WDR7: variants seen among roughly 807,000 people sequenced by gnomAD.
WDR7 encodes the protein WD repeat-containing protein 7.
A neutral mutation model predicts 169.4 loss-of-function variants in WDR7; 46 were observed. The observed-to-expected ratio is 0.27, with a 90% CI of 0.21 to 0.35. The LOEUF (loss-of-function observed/expected upper bound fraction) is 0.35. Ranked by LOEUF, WDR7 falls within the 10% of genes least tolerant of loss-of-function variation. WDR7 has a pLI of 1.00. For missense variants in WDR7, 1,534 were observed against 1,859.3 expected (o/e 0.83, Z 3.22); for synonymous variants, 612 against 666.8 (o/e 0.92, Z 1.27).
intron 20 of WDR7, among the ~76,000 whole-genome samples, chr18:56,828,564 A>C (rs1259984074): frequency 3.3e-5 from 5 of 152,194 alleles, no homozygotes; most frequent in Non-Finnish European, 7.3e-5. Flanking sequence ...ACCTTAAAAT[A>C]TTAAATATTA....
chr18:56,809,741 A>C (rs2044837173), intron 19 of WDR7, among the ~76,000 whole-genome samples: 2 of 152,042 alleles, frequency 1.3e-5, no homozygotes, highest in African/African-American at 4.8e-5. Flanking sequence ...ATAGTCTTCA[A>C]TTCTCTTTTG....
At chr18:56,941,755 G>T (rs781330103) in intron 25 of WDR7, among the ~76,000 whole-genome samples, 2 of 152,154 alleles carry the variant, frequency 1.3e-5, no homozygotes, top group Non-Finnish European at 2.9e-5. Flanking sequence ...TTTCTCCTCA[G>T]GTCCATGTGG....
intron 20 of WDR7, among the ~76,000 whole-genome samples, chr18:56,862,361 TAA>T (rs2045818677): frequency 1.3e-5 from 2 of 151,530 alleles, no homozygotes; most frequent in Non-Finnish European, 3.0e-5. Flanking sequence ...GAATAGTATT[TAA>T]AAGTTTGTGA....
chr18:57,013,308 G>A (rs1163687399), intron 26 of WDR7, among the ~76,000 whole-genome samples: 2 of 152,166 alleles, frequency 1.3e-5, no homozygotes, highest in Non-Finnish European at 2.9e-5. Flanking sequence ...TTCTTAACAG[G>A]CCATGGACCG....
chr18:57,024,223 C>G (rs1192398160), intron 27 of WDR7, among the ~76,000 whole-genome samples: 1 of 152,088 alleles, frequency 6.6e-6, no homozygotes, highest in Non-Finnish European at 1.5e-5. Flanking sequence ...GTGAATGTTA[C>G]CAAATCTCAT....
At chr18:56,922,977 C>G (rs1169692586) in intron 21 of WDR7, among the ~76,000 whole-genome samples, 1 of 152,074 alleles carries the variant, frequency 6.6e-6, no homozygotes, top group African/African-American at 2.4e-5. Flanking sequence ...CAGTGAGTAC[C>G]TTCCTAGGCC....
rs926211581 is a variant in WDR7, at chr18:56,672,560, A to C, written c.45A>C (p.Arg15=). The C allele has an allele frequency of 1.9e-6, 3 of 1,611,464 alleles. No individual in the cohort carries two copies. Among genetic ancestry groups the C allele is most frequent in the South Asian group, 1.1e-5 (1 of 90,618 alleles). ...SLVLPIVLWG[R]KAPTHCISAV... is the part of the protein sequence containing the mutation. ...TTCTACCCATTGTTCTTTGGGGTCG[A>C]AAAGCGCCCACACATTGCATCTCAG... Residue 15 remains arginine (R), a synonymous_variant, in exon 2 of 28, where the codon CGA becomes CGC. Transcript: ENST00000254442.
chr18:57,034,854 G>A, the WDR7 span: 1 of 152,194 alleles, frequency 6.6e-6, no homozygotes, highest in Non-Finnish European at 1.5e-5. Flanking sequence ...TCTAAGGAGA[G>A]CTTCATCTCC....
At chr18:56,998,578 T>A (rs1287688385) in intron 26 of WDR7, among the ~76,000 whole-genome samples, 1 of 152,174 alleles carries the variant, frequency 6.6e-6, no homozygotes, top group Non-Finnish European at 1.5e-5. Context: ...TTATAGCACA[T>A]CCCACATAGA....
intron 26 of WDR7, among the ~76,000 whole-genome samples, chr18:57,011,086 G>T (rs185111806): frequency 8.5e-5 from 13 of 152,228 alleles, no homozygotes; most frequent in Admixed American, 4.6e-4. Context: ...AACTTATTAG[G>T]AATGTCAAAA....
Position 57,029,176 on chromosome 18 carries a change from T to C in WDR7, c.*1969T>C, listed in dbSNP as rs1657396. The C allele has an allele frequency of 0.88, 134,045 of 152,244 alleles. 59,092 individuals are homozygous for C. Among genetic ancestry groups the C allele is most frequent in the East Asian group, 0.99 (5,098 of 5,160 alleles). 9.4% of individuals were successfully genotyped at this position (152,244 alleles called of 1,614,324 possible). A position where few individuals can be genotyped will look rare whatever the true frequency, so the allele number is the denominator to read the frequency against. ...GTGTGTCAGGAAAGAGGTGTGAGAG[T>C]GGTAGGCAGCCTGCCGCAAACACAC... is the stretch of plus-strand genomic sequence containing the variant. On this transcript the variant is annotated 3_prime_UTR_variant, in exon 28 of 28. Transcript: ENST00000254442.
intron 19 of WDR7, among the ~76,000 whole-genome samples, chr18:56,788,460 T>C (rs1869635157): frequency 1.3e-5 from 2 of 152,140 alleles, no homozygotes; most frequent in Admixed American, 1.3e-4. Flanking sequence ...TGTAGGGGTG[T>C]GGATGCCAGG....
intron 21 of WDR7, among the ~76,000 whole-genome samples, chr18:56,912,320 C>A (rs1461607814): frequency 1.3e-5 from 2 of 152,134 alleles, no homozygotes; most frequent in African/African-American, 2.4e-5. Flanking sequence ...CACTCATATC[C>A]ATTTCATCCA....
rs187442826 is a variant in WDR7, at chr18:56,892,873, A to T, written c.3526+12708A>T. On this transcript the variant is annotated intron_variant, in intron 21 of 27. Transcript: ENST00000254442. ...GTTTTAGTTTAGTTTAGATGAGATT[A>T]CATCATCAAGACAGGGTCTGTAATG... Among the ~76,000 whole-genome samples the T allele has an allele frequency of 7.1e-4, 108 of 152,176 alleles. 2 individuals are homozygous for T. In the Middle Eastern group the frequency reaches 0.014, roughly 19 times the overall value.
In WDR7 at chr18:56,781,597, A is replaced by G. The variant is rs2044318771; in HGVS notation, c.3131A>G (p.Lys1044Arg). The G allele has an allele frequency of 3.1e-6, 5 of 1,612,988 alleles. No homozygotes were observed. Among genetic ancestry groups the G allele is most frequent in the Non-Finnish European group, 4.2e-6 (5 of 1,179,498 alleles). Residue 1044 changes from lysine to arginine, a missense_variant, in exon 19 of 28, where the codon AAG becomes AGG. Physicochemically the swap from Lys to Arg is conservative, Grantham distance 26 (BLOSUM62 2). Coordinates refer to ENST00000254442, the MANE Select transcript of WDR7 (RefSeq NM_015285.3). The stretch of plus-strand genomic sequence containing the variant: ...AGAAGAATTGAGCAGGCAGGCAGGA[A>G]GGAAGCCATTGATGCCTGGGCTCCT... Reference protein sequence around the residue: ...ELRRIEQAGRKEAIDAWAPYL... With the variant: ...ELRRIEQAGRREAIDAWAPYL...
At chr18:56,784,818 T>C (rs2044371582) in intron 19 of WDR7, among the ~76,000 whole-genome samples, 1 of 152,214 alleles carries the variant, frequency 6.6e-6, no homozygotes, top group Non-Finnish European at 1.5e-5. Context: ...TTTGTATTTA[T>C]GTAAGTCTTT....
intron 20 of WDR7, among the ~76,000 whole-genome samples, chr18:56,868,921 A>C (rs574105371): frequency 6.6e-6 from 1 of 152,268 alleles, no homozygotes; most frequent in South Asian, 2.1e-4. Context: ...CTAAAATCTC[A>C]ATTTCCTTTC....
intron 1 of WDR7, among the ~76,000 whole-genome samples, chr18:56,662,622 C>G (rs1476449543): frequency 6.6e-6 from 1 of 152,128 alleles, no homozygotes; most frequent in Non-Finnish European, 1.5e-5. Context: ...TTCTTGCCCA[C>G]AACGTTCACT....
chr18:56,765,366 C>T (rs757388837), intron 16 of WDR7, among the ~76,000 whole-genome samples: 2 of 151,184 alleles, frequency 1.3e-5, no homozygotes, highest in Non-Finnish European at 3.0e-5. Flanking sequence ...TTTATGATTC[C>T]ATTTGATCTC....
Sources: gnomAD v4.1 joint callset for allele counts (sites outside exome capture counted in the v4.1 genomes callset) on GRCh38, gnomAD v4.1.1 for gene constraint, MANE v1.5 for transcripts, NCBI Gene and HGNC (gene_info 2026-07-23, HGNC 2026-07-21) for gene names.